Variants in DNAH8 observed in about 807,000 individuals in gnomAD.
The protein encoded by DNAH8 is axonemal beta dynein heavy chain 8.
A neutral mutation model predicts 562.1 loss-of-function variants in DNAH8; 382 were observed. The ratio of observed to expected loss-of-function variants is 0.68; its 90% CI spans 0.63 to 0.74. The LOEUF is 0.74. Among genes scored for constraint, DNAH8 ranks in the 30% least tolerant of loss-of-function variants. DNAH8 has a pLI of 0.00. For missense variants in DNAH8, 5,203 were observed against 5,620.4 expected, an observed-to-expected ratio of 0.93 and a Z score of 2.37; for synonymous variants, 1,881 against 1,919.4, an observed-to-expected ratio of 0.98 and a Z score of 0.52.
chr6:38,953,778 C>T (rs1762073019), intron 82 of DNAH8, among the ~76,000 whole-genome samples: 1 of 151,672 alleles, frequency 6.6e-6, no homozygotes, highest in African/African-American at 2.4e-5. Flanking sequence ...ATTTGAAAAT[C>T]TGGATAATAA....
intron 85 of DNAH8, among the ~76,000 whole-genome samples, chr6:38,978,334 G>A (rs1280810133): frequency 6.6e-6 from 1 of 152,070 alleles, no homozygotes; most frequent in Non-Finnish European, 1.5e-5. Flanking sequence ...TTCTTCATTC[G>A]GAAAAGTGTT....
chr6:38,824,744 A>C (rs1239551276), intron 28 of DNAH8, among the ~76,000 whole-genome samples: 1 of 152,124 alleles, frequency 6.6e-6, no homozygotes, highest in Non-Finnish European at 1.5e-5. Flanking sequence ...GAAATGCTTT[A>C]TATGAGACGC....
Position 38,896,024 on chromosome 6 carries a change from T to A in DNAH8, c.8748-9T>A. The A allele has an allele frequency of 6.2e-7, 1 of 1,607,002 alleles. No homozygotes were observed. The highest frequency in any genetic ancestry group is 8.5e-7 in the Non-Finnish European group (1 of 1,176,206). On this transcript the variant is annotated splice_polypyrimidine_tract_variant and intron_variant, in intron 59 of 92. Coordinates refer to ENST00000327475, the MANE Select transcript of DNAH8 (RefSeq NM_001206927.2). Reference sequence around the variant, plus strand: ...ATTTAACATTCTTACTACTACATTTTCCTTTCAGATTTATAACTCCTGAAG... The same window carrying A: ...ATTTAACATTCTTACTACTACATTTACCTTTCAGATTTATAACTCCTGAAG...
At chr6:38,722,573 G>GGGGT (rs2127563854) in intron 1 of DNAH8, among the ~76,000 whole-genome samples, 1 of 57,578 alleles carries the variant, frequency 1.7e-5, no homozygotes, top group Admixed American at 2.2e-4. Flanking sequence ...AAAGCTCCCA[G>GGGGT]GTGGGTGGGG....
intron 11 of DNAH8, among the ~76,000 whole-genome samples, chr6:38,769,896 C>G (rs1767395444): frequency 6.6e-6 from 1 of 152,166 alleles, no homozygotes; most frequent in Non-Finnish European, 1.5e-5. Flanking sequence ...TAGTTAATTC[C>G]TACTCTACCC....
chr6:38,974,728 C>G (rs539773737), intron 85 of DNAH8, among the ~76,000 whole-genome samples, 199 bp downstream of exon 85: 71 of 152,216 alleles, frequency 4.7e-4, no homozygotes, highest in Non-Finnish European at 7.6e-4. Flanking sequence ...ACCCCCAACC[C>G]TGACTATTGG....
chr6:38,798,257 A>G (rs950775494), intron 21 of DNAH8, among the ~76,000 whole-genome samples: 7 of 152,220 alleles, frequency 4.6e-5, no homozygotes, highest in Non-Finnish European at 2.9e-5. Flanking sequence ...ACTAAAAACC[A>G]GTAAGTTACA....
intron 88 of DNAH8, among the ~76,000 whole-genome samples, chr6:39,005,599 T>TG (rs1765747355): frequency 7.9e-5 from 12 of 151,982 alleles, no homozygotes; most frequent in Admixed American, 7.9e-4. Flanking sequence ...ATAATGAAAC[T>TG]GAACATATTT....
rs777359157 is a variant in DNAH8, at chr6:38,779,918, G to A, written c.2040-48G>A. ...TGGTTAGTATGACAGCAAGTCTTAA[G>A]TATATTTCTCATTTACTTTTTAACC... On this transcript the variant is annotated intron_variant, in intron 14 of 92. Transcript: ENST00000327475. 3.9e-6 allele frequency: 6 copies of A among 1,524,766 alleles called. No homozygotes were observed. In the African/African-American group the frequency reaches 4.1e-5, roughly 10 times the overall value. 94.5% of individuals were successfully genotyped at this position (1,524,766 alleles called of 1,614,324 possible).
In DNAH8 at chr6:38,883,143, A is replaced by G. The variant is rs1021573042; in HGVS notation, c.8001+91A>G. 3.7e-6 allele frequency: 5 copies of G among 1,362,416 alleles called. No homozygotes were observed. The African/African-American group carries it at 7.4e-5, about 20-fold the overall frequency. 84.4% of individuals were successfully genotyped at this position (1,362,416 alleles called of 1,614,324 possible). On this transcript the variant is annotated intron_variant, in intron 54 of 92. Coordinates refer to ENST00000327475, the MANE Select transcript of DNAH8 (RefSeq NM_001206927.2). ...TATTTTCTTCCAGCACTTTTATAGT[A>G]CACATTTTACATTTAAATCTGTAAT...
chr6:38,815,393 G>T, intron 25 of DNAH8, 75 bp from the exon 26 acceptor site: 7 of 1,225,794 alleles, frequency 5.7e-6, no homozygotes, highest in Non-Finnish European at 7.0e-6. Flanking sequence ...ACTCAGTGGG[G>T]AATGGAGGTG....
intron 7 of DNAH8, among the ~76,000 whole-genome samples, chr6:38,739,325 C>G (rs762465928): frequency 1.3e-5 from 2 of 152,060 alleles, no homozygotes; most frequent in African/African-American, 4.8e-5. Flanking sequence ...CTAGCTATCC[C>G]CAGTGACTAT....
chr6:38,895,760 C>T (rs1779633314), intron 59 of DNAH8, among the ~76,000 whole-genome samples: 1 of 152,212 alleles, frequency 6.6e-6, no homozygotes, highest in South Asian at 2.1e-4. Context: ...GACGCTCGTC[C>T]ACTACCGACC....
intron 16 of DNAH8, among the ~76,000 whole-genome samples, 166 bp downstream of exon 16, chr6:38,781,539 A>C (rs1219875287): frequency 6.6e-6 from 1 of 152,248 alleles, no homozygotes; most frequent in Non-Finnish European, 1.5e-5. Context: ...AGACAAAGTC[A>C]ATTCCTTCAG....
intron 91 of DNAH8, among the ~76,000 whole-genome samples, chr6:39,017,513 T>C (rs1021330504): frequency 6.6e-6 from 1 of 152,234 alleles, no homozygotes; most frequent in Admixed American, 6.5e-5. Context: ...AGGCAGAGGC[T>C]GAGTGTGTTC....
intron 28 of DNAH8, among the ~76,000 whole-genome samples, chr6:38,825,627 A>G (rs1678717): frequency 0.5 from 76,557 of 151,780 alleles, 20,542 homozygotes; most frequent in East Asian, 0.84. Flanking sequence ...TCTCAAGAAA[A>G]GACTCTGATT....
chr6:38,750,213 C>A (rs2746172), intron 8 of DNAH8, among the ~76,000 whole-genome samples: 1 of 152,180 alleles, frequency 6.6e-6, no homozygotes, highest in Non-Finnish European at 1.5e-5. Context: ...CTGAAAAAGT[C>A]ATTCCTGTTA....
chr6:38,801,825 C>G (rs1408274245), intron 21 of DNAH8, among the ~76,000 whole-genome samples: 1 of 152,168 alleles, frequency 6.6e-6, no homozygotes, highest in African/African-American at 2.4e-5. Context: ...ACACATAACA[C>G]ATGGGGGCAA....
Position 38,737,169 on chromosome 6 carries a change from TG to T in DNAH8, c.869del (p.Gly290ValfsTer3). Reference protein sequence around the residue: ...FLPAVLATNNWGALNQSKQGE... With the variant: ...FLPAVLATNNXGALNQSKQGE... ...ACCAGCTGTTCTTGCAACAAACAACTGGGGTGCTTTAAACCAGTCCAAGCAG... is the reference window on the plus strand; with the variant it reads ...ACCAGCTGTTCTTGCAACAAACAACTGGGTGCTTTAAACCAGTCCAAGCAG... On this transcript the variant is annotated frameshift_variant, in exon 6 of 93. Coordinates refer to ENST00000327475, the MANE Select transcript of DNAH8 (RefSeq NM_001206927.2). LOFTEE classifies it high-confidence loss of function. 1.9e-6 allele frequency: 3 copies of T among 1,583,684 alleles called. No homozygotes were observed. Among genetic ancestry groups the T allele is most frequent in the Non-Finnish European group, 2.6e-6 (3 of 1,166,980 alleles).
Sources: allele counts gnomAD v4.1 joint callset (sites outside exome capture counted in the v4.1 genomes callset), GRCh38; gene constraint gnomAD v4.1.1; transcripts MANE v1.5; gene names NCBI Gene and HGNC (gene_info 2026-07-23, HGNC 2026-07-21).